The following S100A5 variants were observed in gnomAD, a reference collection of about 807,000 sequenced individuals.
The protein encoded by S100A5 is S100 calcium binding protein A5.
In S100A5, 5 loss-of-function variants were observed where a neutral mutation model predicts 6.7. The ratio of observed to expected loss-of-function variants is 0.75; its 90% CI spans 0.39 to 1.57. S100A5 has a LOEUF of 1.57. Ranked by LOEUF, S100A5 falls within the 40% of genes most tolerant of loss-of-function variation. S100A5 has a pLI of 0.03. For missense variants in S100A5, 129 were observed against 110.8 expected (o/e 1.16, Z -0.74); for synonymous variants, 49 against 44.9 (o/e 1.09, Z -0.37).
At chr1:153,539,450 A>AATAT (rs1173862697) in intron 2 of S100A5, among the ~76,000 whole-genome samples, 1,563 of 31,028 alleles carry the variant, frequency 0.05, 91 homozygotes, top group South Asian at 0.094. Context: ...AAAAAAAAAA[A>AATAT]ATATATATAT....
Position 153,540,339 on chromosome 1 carries a change from C to T in S100A5, c.-14-134G>A, listed in dbSNP as rs1243590325. 6 of 834,868 alleles carry T rather than the reference C, an allele frequency of 7.2e-6. No individual in the cohort carries two copies. In the African/African-American group the frequency reaches 1.0e-4, roughly 14 times the overall value. The allele number at this position is 834,868 out of a possible 1,614,324, so 51.7% of individuals were successfully genotyped here. ...AGACTGAAATCCACTAACAAGAGCG[C>T]CCATCTATATCAGTACAGGTTACAA... On this transcript the variant is annotated intron_variant, in intron 1 of 2. Coordinates refer to ENST00000368717, the MANE Select transcript of S100A5 (RefSeq NM_001394232.1).
chr1:153,542,617 C>T (rs562710665), upstream of S100A5, among the ~76,000 whole-genome samples: 1 of 152,142 alleles, frequency 6.6e-6, no homozygotes, highest in Non-Finnish European at 1.5e-5. Flanking sequence ...TGGGACAAAG[C>T]CCTCCAGCCT....
At chr1:153,539,977 G>T (rs1665331159) in intron 2 of S100A5, 77 bp downstream of exon 2, 2 of 1,553,286 alleles carry the variant, frequency 1.3e-6, no homozygotes, top group Non-Finnish European at 8.8e-7. Flanking sequence ...TAGGCTGGAG[G>T]ATCCTGAGGG....
At chr1:153,539,837 C>T (rs1665327683) in intron 2 of S100A5, among the ~76,000 whole-genome samples, 1 of 152,140 alleles carries the variant, frequency 6.6e-6, no homozygotes, top group Admixed American at 6.5e-5. Flanking sequence ...CCTCCAGACT[C>T]AGCCCTTCCT....
At chr1:153,541,285 C>T, upstream of S100A5, 1 of 971,194 alleles carries the variant, frequency 1.0e-6, no homozygotes, top group South Asian at 1.3e-5. Flanking sequence ...CTTGTGGGGC[C>T]AGGCCTCCTT....
rs777059589 is a variant in S100A5, at chr1:153,537,323, G to T, written c.252C>A (p.Asn84Lys). The T allele has an allele frequency of 6.2e-7, 1 of 1,614,122 alleles. No individual in the cohort carries two copies. The highest frequency in any genetic ancestry group is 8.5e-7 in the Non-Finnish European group (1 of 1,179,970). ...ACTTGTTGTCCTCTAGAAAGAAGTCGTTGTAGGCCATGCACAGCATGGTCA... is the reference window on the plus strand; with the variant it reads ...ACTTGTTGTCCTCTAGAAAGAAGTCTTTGTAGGCCATGCACAGCATGGTCA... ...VFLTMLCMAY[N>K]DFFLEDNK The change falls in exon 3 of 3, where the codon AAC becomes AAA. Residue 84 changes from asparagine to lysine, a missense_variant. By Grantham distance (94) the Asn-to-Lys change is moderately conservative. Transcript: ENST00000368717.
chr1:153,537,337 A>G lies in S100A5; in HGVS notation c.238T>C (p.Cys80Arg). ...KEYSVFLTML[C>R]MAYNDFFLED... ...AGAAAGAAGTCGTTGTAGGCCATGC[A>G]CAGCATGGTCAGGAACACCGAGTAC... Residue 80 changes from cysteine (C) to arginine (R), a missense_variant, in exon 3 of 3, where the codon TGC (cysteine) becomes CGC (arginine). Transcript: ENST00000368717. The G allele has an allele frequency of 6.2e-7, 1 of 1,614,030 alleles. No homozygotes were observed. Among genetic ancestry groups the G allele is most frequent in the Non-Finnish European group, 8.5e-7 (1 of 1,179,900 alleles).
intron 2 of S100A5, 91 bp from the exon 3 acceptor site, chr1:153,537,527 T>C (rs1665223664): frequency 6.6e-7 from 1 of 1,509,742 alleles, no homozygotes; most frequent in African/African-American, 1.4e-5. Context: ...CCCCGAAACT[T>C]CAGGGTGAGC....
In S100A5 at chr1:153,540,179, G is replaced by T. The variant is rs149684046; in HGVS notation, c.13C>A (p.Leu5Met). The T allele has an allele frequency of 2.0e-5, 33 of 1,614,010 alleles. No homozygotes were observed. In the African/African-American group the frequency reaches 2.3e-4, roughly 11 times the overall value. The change falls in exon 2 of 3, where the codon CTG (leucine) becomes ATG (methionine). Residue 5 changes from leucine (L) to methionine (M), a missense_variant. Physicochemically the swap from Leu to Met is conservative, Grantham distance 15. Transcript: ENST00000368717. METP[L>M]EKALTTMVTT... ...ACCATAGTGGTCAGGGCCTTCTCCAGAGGAGTCTCCATCACAGTGTGCAGC... is the reference window on the plus strand; with the variant it reads ...ACCATAGTGGTCAGGGCCTTCTCCATAGGAGTCTCCATCACAGTGTGCAGC...
intron 1 of S100A5, 63 bp from the exon 2 acceptor site, chr1:153,540,268 C>A: frequency 6.5e-7 from 1 of 1,538,440 alleles, no homozygotes; most frequent in Non-Finnish European, 8.9e-7. Context: ...ACTAGCCTAC[C>A]TCTGAGGCCC....
At chr1:153,540,450 T>C (rs561120939) in intron 1 of S100A5, among the ~76,000 whole-genome samples, 171 bp downstream of exon 1, 2 of 151,312 alleles carry the variant, frequency 1.3e-5, no homozygotes, top group Non-Finnish European at 2.9e-5. Flanking sequence ...TGCTGGGGAG[T>C]TGTTGAAAAG....
At chr1:153,539,177 C>T (rs1665285259) in intron 2 of S100A5, among the ~76,000 whole-genome samples, 1 of 151,406 alleles carries the variant, frequency 6.6e-6, no homozygotes, top group Non-Finnish European at 1.5e-5. Flanking sequence ...CCTGTAATCC[C>T]AACACTTTGG....
chr1:153,539,887 G>T (rs1330125295), intron 2 of S100A5, among the ~76,000 whole-genome samples, 167 bp downstream of exon 2: 2 of 152,036 alleles, frequency 1.3e-5, no homozygotes, highest in Admixed American at 1.3e-4. Context: ...CTTCACAGAG[G>T]GCTAGAGTTT....
chr1:153,538,267 G>A (rs1419410294), intron 2 of S100A5, among the ~76,000 whole-genome samples: 1 of 152,208 alleles, frequency 6.6e-6, no homozygotes, highest in Non-Finnish European at 1.5e-5. Flanking sequence ...CTGTTGTTCA[G>A]TCCCCTGATG....
rs765519024 is a variant in S100A5, at chr1:153,537,324, T to C, written c.251A>G (p.Asn84Ser). 3 of 1,614,030 alleles carry C rather than the reference T, an allele frequency of 1.9e-6. No individual in the cohort carries two copies. Among genetic ancestry groups the C allele is most frequent in the Admixed American group, 1.7e-5 (1 of 60,012 alleles). ...CTTGTTGTCCTCTAGAAAGAAGTCGTTGTAGGCCATGCACAGCATGGTCAG... is the reference window on the plus strand; with the variant it reads ...CTTGTTGTCCTCTAGAAAGAAGTCGCTGTAGGCCATGCACAGCATGGTCAG... ...VFLTMLCMAY[N>S]DFFLEDNK Residue 84 changes from asparagine to serine, a missense_variant, in exon 3 of 3, where the codon AAC becomes AGC. Physicochemically the swap from Asn to Ser is conservative, Grantham distance 46 (BLOSUM62 1). Coordinates refer to ENST00000368717, the MANE Select transcript of S100A5 (RefSeq NM_001394232.1).
intron 2 of S100A5, among the ~76,000 whole-genome samples, chr1:153,538,344 A>G (rs1212081382): frequency 6.6e-6 from 1 of 152,106 alleles, no homozygotes. Flanking sequence ...GAAAATATAG[A>G]CAAGCAGATC....
intron 1 of S100A5, 59 bp from the exon 2 acceptor site, chr1:153,540,264 C>G: frequency 6.3e-7 from 1 of 1,577,944 alleles, no homozygotes; most frequent in Non-Finnish European, 8.7e-7. Flanking sequence ...CAGCACTAGC[C>G]TACCTCTGAG....
chr1:153,541,919 CA>C (rs1364593073), upstream of S100A5: 1 of 984,568 alleles, frequency 1.0e-6, no homozygotes, highest in Non-Finnish European at 1.2e-6. Flanking sequence ...TGGTCAAGGT[CA>C]TGAGCTAATA....
intron 2 of S100A5, among the ~76,000 whole-genome samples, chr1:153,539,086 C>T (rs1312839718): frequency 6.6e-6 from 1 of 152,030 alleles, no homozygotes; most frequent in Non-Finnish European, 1.5e-5. Flanking sequence ...GCCATGATCG[C>T]ACCACTGCAC....
Sources: gnomAD v4.1 joint callset for allele counts (sites outside exome capture counted in the v4.1 genomes callset) on GRCh38, gnomAD v4.1.1 for gene constraint, MANE v1.5 for transcripts, NCBI Gene and HGNC (gene_info 2026-07-23, HGNC 2026-07-21) for gene names.